Variants in ENTREP2 observed in about 807,000 individuals in gnomAD.
The protein encoded by ENTREP2 is endosomal transmembrane epsin interactor 2.
the ENTREP2 span, among the ~76,000 whole-genome samples, chr15:29,666,977 C>T: frequency 6.6e-6 from 1 of 152,118 alleles, no homozygotes; most frequent in Non-Finnish European, 1.5e-5. Flanking sequence ...ACGCGTCATT[C>T]CAATCTCTGC....
At chr15:29,443,638 T>C in the ENTREP2 span, among the ~76,000 whole-genome samples, 1 of 151,996 alleles carries the variant, frequency 6.6e-6, no homozygotes, top group South Asian at 2.1e-4. Flanking sequence ...GGTTGGGATG[T>C]ACCCAAGCAA....
the ENTREP2 span, chr15:29,610,304 G>A: frequency 1.3e-5 from 2 of 150,456 alleles, no homozygotes; most frequent in African/African-American, 4.9e-5. Flanking sequence ...ATACTTAGAT[G>A]TCAGCTGTCC....
the ENTREP2 span, among the ~76,000 whole-genome samples, chr15:29,159,970 G>A: frequency 2.0e-5 from 3 of 152,278 alleles, no homozygotes; most frequent in African/African-American, 4.8e-5. Context: ...CCATGGAGCA[G>A]GAGGCGGCGC....
chr15:29,238,480 CA>C, the ENTREP2 span, among the ~76,000 whole-genome samples: 4 of 151,426 alleles, frequency 2.6e-5, no homozygotes, highest in African/African-American at 9.8e-5. Context: ...AAAAAAAATA[CA>C]AAAAATTATT....
chr15:29,257,330 C>G, the ENTREP2 span, among the ~76,000 whole-genome samples: 1 of 152,174 alleles, frequency 6.6e-6, no homozygotes, highest in Non-Finnish European at 1.5e-5. Context: ...GCCTCGGCCT[C>G]CCAAAGTGCT....
At chr15:29,302,293 G>A in the ENTREP2 span, among the ~76,000 whole-genome samples, 1 of 152,134 alleles carries the variant, frequency 6.6e-6, no homozygotes, top group Non-Finnish European at 1.5e-5. Context: ...AATTTATCAT[G>A]AGTCCAAGCT....
chr15:29,269,715 G>A, the ENTREP2 span: 1 of 1,509,540 alleles, frequency 6.6e-7, no homozygotes. Flanking sequence ...TGTCTCCGGC[G>A]GCAGGTGCCG....
chr15:29,640,330 A>G, the ENTREP2 span, among the ~76,000 whole-genome samples: 1 of 152,166 alleles, frequency 6.6e-6, no homozygotes, highest in African/African-American at 2.4e-5. Context: ...GAAGATATAA[A>G]TAGTCATAGA....
chr15:29,584,564 G>A, the ENTREP2 span, among the ~76,000 whole-genome samples: 4 of 152,090 alleles, frequency 2.6e-5, no homozygotes, highest in Non-Finnish European at 5.9e-5. Flanking sequence ...AATAAACCAG[G>A]CAGAGAAGGA....
At chr15:29,595,067 C>CAAAAA in the ENTREP2 span, among the ~76,000 whole-genome samples, 1,219 of 86,352 alleles carry the variant, frequency 0.014, 55 homozygotes, top group East Asian at 0.066. Flanking sequence ...GACTCCGTCT[C>CAAAAA]AAAAAAAAAA....
At chr15:29,206,737 G>A in the ENTREP2 span, among the ~76,000 whole-genome samples, 1 of 152,002 alleles carries the variant, frequency 6.6e-6, no homozygotes, top group Admixed American at 6.5e-5. Flanking sequence ...ACGCACATAC[G>A]GTAAATATAC....
chr15:29,337,747 G>A, the ENTREP2 span, among the ~76,000 whole-genome samples: 137 of 152,146 alleles, frequency 9.0e-4, no homozygotes, highest in African/African-American at 3.0e-3. Context: ...CCTATATTAC[G>A]TCATTCAGTT....
the ENTREP2 span, among the ~76,000 whole-genome samples, chr15:29,650,158 C>T: frequency 6.6e-6 from 1 of 151,900 alleles, no homozygotes; most frequent in Non-Finnish European, 1.5e-5. Context: ...AGTAGAAAAG[C>T]CACTGCAATA....
At chr15:29,497,865 GTTGT>G in the ENTREP2 span, among the ~76,000 whole-genome samples, 2 of 151,934 alleles carry the variant, frequency 1.3e-5, no homozygotes, top group African/African-American at 2.4e-5. Flanking sequence ...GTAATGATAG[GTTGT>G]TTATTTGAGA....
chr15:29,135,184 T>C, the ENTREP2 span, among the ~76,000 whole-genome samples: 2 of 151,536 alleles, frequency 1.3e-5, no homozygotes, highest in Non-Finnish European at 2.9e-5. The surrounding 1 kb of genome is among the most constrained non-coding windows in gnomAD (Gnocchi z 7.4). Context: ...CTCACTGCTG[T>C]GTTCCCCAGC....
At chr15:29,174,399 A>G in the ENTREP2 span, among the ~76,000 whole-genome samples, 1 of 152,164 alleles carries the variant, frequency 6.6e-6, no homozygotes, top group Non-Finnish European at 1.5e-5. Context: ...TGTGAAAACT[A>G]GAAACACGGC....
At chr15:29,295,792 A>T in the ENTREP2 span, among the ~76,000 whole-genome samples, 1 of 152,168 alleles carries the variant, frequency 6.6e-6, no homozygotes, top group South Asian at 2.1e-4. Context: ...AAAGGGATGA[A>T]GAAAGACAGC....
At chr15:29,154,621 G>C in the ENTREP2 span, among the ~76,000 whole-genome samples, 1 of 152,166 alleles carries the variant, frequency 6.6e-6, no homozygotes, top group Non-Finnish European at 1.5e-5. Flanking sequence ...CTAATCAAGG[G>C]GTTGGCAAGT....
At chr15:29,658,400 C>G in the ENTREP2 span, among the ~76,000 whole-genome samples, 1 of 152,074 alleles carries the variant, frequency 6.6e-6, no homozygotes, top group Non-Finnish European at 1.5e-5. Context: ...TACCCAGTCT[C>G]GAGTATGTCC....
Sources: allele counts gnomAD v4.1 joint callset (sites outside exome capture counted in the v4.1 genomes callset), GRCh38; gene constraint gnomAD v4.1.1; non-coding constraint Gnocchi (gnomAD v3.1); transcripts MANE v1.5; gene names NCBI Gene and HGNC (gene_info 2026-07-23, HGNC 2026-07-21).